CPD: variants seen among roughly 807,000 people sequenced by gnomAD.
The protein encoded by CPD is carboxypeptidase D.
A neutral mutation model predicts 138.3 loss-of-function variants in CPD; 69 were observed. That is an observed-to-expected ratio of 0.50 (90% CI 0.41 to 0.61). The LOEUF (loss-of-function observed/expected upper bound fraction) is 0.61, where lower values mean the gene tolerates loss of function less well. CPD is among the 20% of genes least tolerant of loss of function. The probability of loss-of-function intolerance (pLI) is 0.00; values close to 1 mark genes in which losing one functional copy is unlikely to be tolerated. For synonymous variants in CPD, 651 were observed against 642.1 expected (o/e 1.01, Z -0.21); for missense variants, 1,432 against 1,733.3 (o/e 0.83, Z 3.09).
intron 14 of CPD, chr17:30,454,404 T>G (rs1002659590): frequency 6.6e-6 from 1 of 152,224 alleles, no homozygotes; most frequent in African/African-American, 2.4e-5. Context: ...ACAAGAATCA[T>G]CTTTGCTCCA....
chr17:30,384,058 A>G (rs758381281), intron 1 of CPD, among the ~76,000 whole-genome samples: 1 of 152,206 alleles, frequency 6.6e-6, no homozygotes, highest in East Asian at 1.9e-4. Context: ...TGTTTCTTTT[A>G]CAGGAGCAGC....
At chr17:30,418,253 T>C (rs1234106455) in intron 2 of CPD, among the ~76,000 whole-genome samples, 2 of 152,116 alleles carry the variant, frequency 1.3e-5, no homozygotes, top group Non-Finnish European at 2.9e-5. Flanking sequence ...CAATCTTGGC[T>C]CACTGCAGCC....
At chr17:30,405,351 C>A (rs187531528) in intron 2 of CPD, among the ~76,000 whole-genome samples, 1 of 152,018 alleles carries the variant, frequency 6.6e-6, no homozygotes, top group Non-Finnish European at 1.5e-5. Context: ...AGATATTTAC[C>A]CCTTTATCTG....
chr17:30,411,085 T>C (rs1326769484), intron 2 of CPD, among the ~76,000 whole-genome samples: 1 of 152,224 alleles, frequency 6.6e-6, no homozygotes, highest in African/African-American at 2.4e-5. Context: ...TTTGCTTGTC[T>C]GTAAAGGATT....
intron 1 of CPD, chr17:30,380,590 G>A: frequency 6.6e-7 from 1 of 1,507,072 alleles, no homozygotes; most frequent in Non-Finnish European, 8.8e-7. Context: ...GTAGAAGAAG[G>A]AGGACCTCAA....
In CPD at chr17:30,465,268, G is replaced by C. The variant is rs969197228; in HGVS notation, c.*454G>C. ...CTCAAGGTTTTTTCAACCTACTGAG[G>C]AGTACTTTTCTCTAGTTGTTAAATA... is the stretch of plus-strand genomic sequence containing the variant. On this transcript the variant is annotated 3_prime_UTR_variant, in exon 21 of 21. Transcript: ENST00000225719. The C allele has an allele frequency of 6.2e-6, 1 of 160,968 alleles. No homozygotes were observed. The highest frequency in any genetic ancestry group is 2.4e-5 in the African/African-American group (1 of 41,490). 10.0% of individuals were successfully genotyped at this position (160,968 alleles called of 1,614,324 possible). A position where few individuals can be genotyped will look rare whatever the true frequency, so the allele number is the denominator to read the frequency against.
chr17:30,428,882 TA>T (rs34217907), intron 7 of CPD, among the ~76,000 whole-genome samples: 51 of 146,604 alleles, frequency 3.5e-4, no homozygotes, highest in African/African-American at 4.5e-4. Context: ...GTAAAACTAC[TA>T]AAAAAAAAAA....
rs372928374 is a variant in CPD, at chr17:30,428,219, G to C, written c.2017+661G>C. Among the ~76,000 whole-genome samples the C allele has an allele frequency of 6.6e-4, 100 of 152,284 alleles. 1 individual carries two copies. Among genetic ancestry groups the C allele is most frequent in the African/African-American group, 2.4e-3 (99 of 41,550 alleles). On this transcript the variant is annotated intron_variant, in intron 7 of 20. Coordinates refer to ENST00000225719, the MANE Select transcript of CPD (RefSeq NM_001304.5). ...TTTAGCAGGATGGATCGGTTGAATA[G>C]GATGAGTGTCAAGATTAAAAATCGC... is the stretch of plus-strand genomic sequence containing the variant.
chr17:30,393,487 G>A (rs1911411899), intron 2 of CPD, among the ~76,000 whole-genome samples: 1 of 152,158 alleles, frequency 6.6e-6, no homozygotes, highest in African/African-American at 2.4e-5. Flanking sequence ...TGAACAGTAT[G>A]TAACTATAAA....
intron 2 of CPD, among the ~76,000 whole-genome samples, chr17:30,393,745 GA>G (rs1443610011): frequency 1.3e-5 from 2 of 152,312 alleles, no homozygotes; most frequent in South Asian, 4.1e-4. Context: ...GGATGACTAA[GA>G]AACCAGCTGT....
At chr17:30,456,377 A>G in intron 16 of CPD, 26 bp downstream of exon 16, 1 of 1,610,904 alleles carries the variant, frequency 6.2e-7, no homozygotes, top group Non-Finnish European at 8.5e-7. Flanking sequence ...ACCTTTTGTT[A>G]TTGCTGTTGT....
At chr17:30,393,272 G>C (rs1236821645) in intron 2 of CPD, among the ~76,000 whole-genome samples, 1 of 152,180 alleles carries the variant, frequency 6.6e-6, no homozygotes, top group Non-Finnish European at 1.5e-5. Flanking sequence ...TGTTTGGCTG[G>C]AAGTAGATTG....
intron 2 of CPD, among the ~76,000 whole-genome samples, chr17:30,389,509 T>A (rs1911289644): frequency 6.6e-6 from 1 of 152,362 alleles, no homozygotes; most frequent in East Asian, 1.9e-4. Context: ...CTTCATTAAT[T>A]TGAGATGATG....
chr17:30,449,457 T>C (rs1913109543), intron 12 of CPD, 96 bp from the exon 13 acceptor site: 1 of 1,148,448 alleles, frequency 8.7e-7, no homozygotes, highest in African/African-American at 1.6e-5. Flanking sequence ...TAAAACTTTT[T>C]GTGTTTTGTT....
chr17:30,400,649 A>ATTTT (rs1911629506), intron 2 of CPD, among the ~76,000 whole-genome samples: 3 of 76,068 alleles, frequency 3.9e-5, no homozygotes, highest in African/African-American at 1.2e-4. Flanking sequence ...TTTTGCCATC[A>ATTTT]TTCTTTTTTT....
chr17:30,449,819 T>A (rs1913120474), intron 13 of CPD, 71 bp downstream of exon 13: 3 of 1,357,032 alleles, frequency 2.2e-6, no homozygotes, highest in Non-Finnish European at 3.0e-6. Context: ...GCACCATTTT[T>A]AAAATTTTTA....
intron 7 of CPD, among the ~76,000 whole-genome samples, chr17:30,430,371 A>C (rs1191815273): frequency 1.3e-5 from 2 of 152,184 alleles, no homozygotes; most frequent in Non-Finnish European, 2.9e-5. Context: ...TATTTCATAG[A>C]AATGGAATCC....
In CPD at chr17:30,413,904, G is replaced by T. The variant is rs529467572; in HGVS notation, c.995-6937G>T. 2.5e-3 allele frequency among the ~76,000 whole-genome samples: 377 copies of T among 152,314 alleles called. 1 individual carries two copies. Among genetic ancestry groups the T allele is most frequent in the African/African-American group, 8.7e-3 (360 of 41,576 alleles). On this transcript the variant is annotated intron_variant, in intron 2 of 20. Transcript: ENST00000225719. ...AGGTTGAAATTGGAGCAGAGAGCTG[G>T]GGTTGAGGGAGTTAGTCAAGTAGTA... is the stretch of plus-strand genomic sequence containing the variant.
At chr17:30,407,211 G>A (rs6505183) in intron 2 of CPD, among the ~76,000 whole-genome samples, 78,813 of 151,978 alleles carry the variant, frequency 0.52, 21,107 homozygotes, top group East Asian at 0.82. Flanking sequence ...AATCCAGTCT[G>A]TCATTGATGG....
Sources: gnomAD v4.1 joint callset for allele counts (sites outside exome capture counted in the v4.1 genomes callset) on GRCh38, gnomAD v4.1.1 for gene constraint, MANE v1.5 for transcripts, NCBI Gene and HGNC (gene_info 2026-07-23, HGNC 2026-07-21) for gene names.